Variants in MYH16 observed in about 807,000 individuals in gnomAD.
The protein encoded by MYH16 is myosin heavy chain 16.
chr7:99,271,596 A>C (rs554157520), intron 19 of MYH16, among the ~76,000 whole-genome samples: 5 of 152,314 alleles, frequency 3.3e-5, no homozygotes, highest in Non-Finnish European at 5.9e-5. Context: ...ATTTTTAAAA[A>C]TTTTTTTACT....
intron 28 of MYH16, chr7:99,286,629 G>T (rs1038060811): frequency 6.6e-6 from 1 of 152,176 alleles, no homozygotes; most frequent in Non-Finnish European, 1.5e-5. Context: ...TTCTTGCTAG[G>T]TTCCTGAGAT....
At chr7:99,274,507 T>C (rs746543208) in intron 20 of MYH16, among the ~76,000 whole-genome samples, 29 of 152,064 alleles carry the variant, frequency 1.9e-4, no homozygotes, top group Non-Finnish European at 2.9e-5. Flanking sequence ...AAGGGAGGAA[T>C]AGTAAGTTCT....
intron 38 of MYH16, among the ~76,000 whole-genome samples, chr7:99,302,317 TACACACAC>T (rs201230482): frequency 0.03 from 2,865 of 95,524 alleles, 104 homozygotes; most frequent in Middle Eastern, 0.049. Flanking sequence ...AAAAAATATA[TACACACAC>T]ACACACACAC....
At chr7:99,280,716 C>G (rs1387976053) in intron 22 of MYH16, among the ~76,000 whole-genome samples, 160 bp from the exon 5 acceptor site, 1 of 151,450 alleles carries the variant, frequency 6.6e-6, no homozygotes, top group Non-Finnish European at 1.5e-5. Context: ...AGCCAAGGTT[C>G]TTGCTGCTCC....
downstream of MYH16, among the ~76,000 whole-genome samples, chr7:99,309,990 C>T (rs1372590571): frequency 6.6e-6 from 1 of 151,034 alleles, no homozygotes; most frequent in Non-Finnish European, 1.5e-5. Context: ...CCACTCCAGC[C>T]TGGGCAACAA....
intron 18 of MYH16, among the ~76,000 whole-genome samples, chr7:99,270,513 T>G (rs1016283233): frequency 6.6e-6 from 1 of 151,522 alleles, no homozygotes; most frequent in Non-Finnish European, 1.5e-5. Context: ...GATATGGGGT[T>G]TCACCATGTT....
chr7:99,243,412 G>T, exon 2 of MYH16: 1 of 152,850 alleles, frequency 6.5e-6, no homozygotes. Flanking sequence ...ACACCAACAT[G>T]AGGATCTATG....
chr7:99,307,622 G>T (rs1176826082), downstream of MYH16, among the ~76,000 whole-genome samples: 1 of 151,970 alleles, frequency 6.6e-6, no homozygotes, highest in Non-Finnish European at 1.5e-5. Flanking sequence ...TACTCAGGAG[G>T]CTGAGATAGG....
At chr7:99,269,794 T>G (rs1323812483) in intron 18 of MYH16, among the ~76,000 whole-genome samples, 1 of 151,976 alleles carries the variant, frequency 6.6e-6, no homozygotes, top group Non-Finnish European at 1.5e-5. Flanking sequence ...TCCTTGCTCA[T>G]GGTCCTGTGC....
At chr7:99,268,555 C>T (rs1792015123) in intron 18 of MYH16, among the ~76,000 whole-genome samples, 2 of 152,348 alleles carry the variant, frequency 1.3e-5, no homozygotes, top group Non-Finnish European at 2.9e-5. Context: ...GCATTAGGCA[C>T]GTCAGTTCCA....
intron 2 of MYH16, among the ~76,000 whole-genome samples, chr7:99,245,768 C>T (rs561642787): frequency 2.0e-5 from 3 of 152,280 alleles, no homozygotes; most frequent in South Asian, 4.1e-4. Context: ...CCCTGTGATC[C>T]GCCTGCCTCA....
intron 38 of MYH16, among the ~76,000 whole-genome samples, chr7:99,302,315 TATACACACACAC>T (rs1792608857): frequency 2.6e-5 from 2 of 77,976 alleles, no homozygotes; most frequent in Non-Finnish European, 4.6e-5. Context: ...AAAAAAAATA[TATACACACACAC>T]ACACACACAC....
At chr7:99,239,940 T>A (rs1239925293) in intron 1 of MYH16, among the ~76,000 whole-genome samples, 1 of 152,112 alleles carries the variant, frequency 6.6e-6, no homozygotes, top group Non-Finnish European at 1.5e-5. Context: ...CCCAGCACTT[T>A]GGGAGACCAA....
rs1409973355 is a variant in MYH16 at position 99,276,746 on chromosome 7, G to A, written n.2486-793G>A. On this transcript the variant is annotated intron_variant and non_coding_transcript_variant, in intron 20 of 41. Transcript: ENST00000439784. ...CCTGCAAGGCCAAGTCGAGAGGTGT[G>A]ACTTCATGTTAGACAGAAGATGAAA... Among the ~76,000 whole-genome samples the A allele has an allele frequency of 3.3e-5, 5 of 152,348 alleles. 1 individual carries two copies. In the South Asian group the frequency reaches 8.3e-4, roughly 25 times the overall value.
At chr7:99,239,081 A>G (rs1428227015) in intron 1 of MYH16, 4 of 152,666 alleles carry the variant, frequency 2.6e-5, no homozygotes, top group African/African-American at 9.6e-5. Flanking sequence ...AGTGGCAGGC[A>G]CCCAGGCCTT....
At chr7:99,294,545 GAAA>G (rs200644722) in intron 33 of MYH16, among the ~76,000 whole-genome samples, 1 of 77,740 alleles carries the variant, frequency 1.3e-5, no homozygotes. Context: ...AAGAAAAAAA[GAAA>G]AAAAAAATAT....
chr7:99,259,718 G>C (rs556997643), intron 11 of MYH16, among the ~76,000 whole-genome samples: 1 of 145,938 alleles, frequency 6.9e-6, no homozygotes, highest in Non-Finnish European at 1.5e-5. Flanking sequence ...ATATATATAT[G>C]TGTGTGTGTG....
chr7:99,252,778 T>A (rs1312278968), intron 6 of MYH16: 2 of 153,834 alleles, frequency 1.3e-5, no homozygotes, highest in East Asian at 3.8e-4. Flanking sequence ...GTGGACGACC[T>A]CCCTCCTGAT....
At chr7:99,289,091 G>A (rs1287128943) in intron 29 of MYH16, among the ~76,000 whole-genome samples, 196 bp from the exon 11 acceptor site, 2 of 150,600 alleles carry the variant, frequency 1.3e-5, no homozygotes, top group South Asian at 2.1e-4. Flanking sequence ...TCCAGCCGGG[G>A]TGATGGAGTG....
Sources: gnomAD v4.1 joint callset for allele counts (sites outside exome capture counted in the v4.1 genomes callset) on GRCh38, gnomAD v4.1.1 for gene constraint, MANE v1.5 for transcripts, NCBI Gene and HGNC (gene_info 2026-07-23, HGNC 2026-07-21) for gene names.